The following PER3 variants were observed in gnomAD, a reference collection of about 807,000 sequenced individuals.
PER3 encodes the protein period circadian regulator 3.
A neutral mutation model predicts 127.2 loss-of-function variants in PER3; 107 were observed. The ratio of observed to expected loss-of-function variants is 0.84; its 90% CI spans 0.72 to 0.99. The LOEUF (loss-of-function observed/expected upper bound fraction) is 0.99, where lower values mean the gene tolerates loss of function less well. Among genes scored for constraint, PER3 ranks in the 50% least tolerant of loss-of-function variants. The pLI is 0.00. For missense variants in PER3, 1,560 were observed against 1,525.8 expected (o/e 1.02, Z -0.37); for synonymous variants, 618 against 585.8 (o/e 1.05, Z -0.79).
Position 7,827,208 on chromosome 1 carries a change from G to C in PER3, c.2279G>C (p.Ser760Thr), listed in dbSNP as rs2097305617. The C allele has an allele frequency of 2.5e-6, 4 of 1,613,888 alleles. No homozygotes were observed. The highest frequency in any genetic ancestry group is 1.7e-6 in the Non-Finnish European group (2 of 1,179,976). ...KKLPEPPDSS[S>T]SNTGSGPRRG... The stretch of plus-strand genomic sequence containing the variant: ...CTGCCGGAGCCGCCAGACAGCAGCA[G>C]CTCGAACACCGGCTCTGGTCCCCGC... Residue 760 changes from serine to threonine, a missense_variant, in exon 18 of 22, where the codon AGC becomes ACC. Coordinates refer to ENST00000377532, the MANE Select transcript of PER3 (RefSeq NM_001377275.1).
In PER3 at chr1:7,827,235, G is replaced by C; in HGVS notation, c.2306G>C (p.Arg769Thr). 1 of 1,613,988 alleles carries C rather than the reference G, an allele frequency of 6.2e-7. No homozygotes were observed. The highest frequency in any genetic ancestry group is 1.1e-5 in the South Asian group (1 of 91,078). The change falls in exon 18 of 22, where the codon AGG becomes ACG. Residue 769 changes from arginine to threonine, a missense_variant. By Grantham distance (71) the Arg-to-Thr change is moderately conservative. Transcript: ENST00000377532. ...SSSNTGSGPRRGAHQNAQPCC... is the reference protein window; with the variant it reads ...SSSNTGSGPRTGAHQNAQPCC... Reference sequence around the variant, plus strand: ...TCGAACACCGGCTCTGGTCCCCGCAGGGGAGCGCATCAGAACGCACAGCCC... The same window carrying C: ...TCGAACACCGGCTCTGGTCCCCGCACGGGAGCGCATCAGAACGCACAGCCC...
intron 19 of PER3, among the ~76,000 whole-genome samples, chr1:7,833,237 G>A (rs1345552635): frequency 6.6e-6 from 1 of 152,148 alleles, no homozygotes; most frequent in Non-Finnish European, 1.5e-5. Context: ...AAAAGAATAT[G>A]CTTTCTGCTG....
intron 13 of PER3, among the ~76,000 whole-genome samples, chr1:7,816,473 A>C (rs1342828247): frequency 6.6e-6 from 1 of 152,264 alleles, no homozygotes; most frequent in Non-Finnish European, 1.5e-5. Flanking sequence ...TACAATAATG[A>C]AGTTATATCC....
chr1:7,820,242 A>G lies in PER3; in HGVS notation c.1783+3A>G. ...AGATGATGTCCAAGCCTTACAAGGT[A>G]ACAAGAATGCCCCTCAGAGTTAAAT... On this transcript the variant is annotated splice_donor_region_variant and intron_variant, in intron 15 of 21. Coordinates refer to ENST00000377532, the MANE Select transcript of PER3 (RefSeq NM_001377275.1). 1 of 1,610,884 alleles carries G rather than the reference A, an allele frequency of 6.2e-7. No individual in the cohort carries two copies. Among genetic ancestry groups the G allele is most frequent in the Non-Finnish European group, 8.5e-7 (1 of 1,178,900 alleles).
chr1:7,820,521 C>G lies in PER3; in HGVS notation c.1838C>G (p.Ser613Cys). The G allele has an allele frequency of 6.2e-7, 1 of 1,614,060 alleles. No individual in the cohort carries two copies. Among genetic ancestry groups the G allele is most frequent in the African/African-American group, 1.3e-5 (1 of 75,030 alleles). ...TCAGAAATGCCAACAAATGGACGGT[C>G]CATAGACACAGGAGGAGGAGCTCCA... The part of the protein sequence containing the change: ...PKSEMPTNGR[S>C]IDTGGGAPQI... Residue 613 changes from serine (S) to cysteine (C), a missense_variant, in exon 16 of 22, where the codon TCC becomes TGC. By Grantham distance (112) the Ser-to-Cys change is moderately radical. This residue lies in a region of PER3 where 1,332 missense variants were observed against 1,223.6 expected (regional missense o/e 1.09). Transcript: ENST00000377532.
chr1:7,830,253 G>A lies in PER3; in HGVS notation c.3214+92G>A, dbSNP rs1004821263. On this transcript the variant is annotated intron_variant, in intron 19 of 21. Coordinates refer to ENST00000377532, the MANE Select transcript of PER3 (RefSeq NM_001377275.1). The stretch of plus-strand genomic sequence containing the variant: ...ACTGTGTGCCCCAGGCACTGATGTG[G>A]AAGTACAAGGTTTTTTTTTCTTTTT... 1.5e-5 allele frequency: 17 copies of A among 1,132,558 alleles called. No homozygotes were observed. The African/African-American group carries it at 1.7e-4, about 11-fold the overall frequency. The allele number at this position is 1,132,558 out of a possible 1,614,324, so 70.2% of individuals were successfully genotyped here.
intron 13 of PER3, among the ~76,000 whole-genome samples, chr1:7,813,484 A>G (rs2097230886): frequency 1.3e-5 from 2 of 152,232 alleles, no homozygotes; most frequent in Non-Finnish European, 2.9e-5. Context: ...ACTGGATTCC[A>G]GTGCACCGAC....
chr1:7,825,419 A>G (rs1257684259), intron 16 of PER3, among the ~76,000 whole-genome samples: 5 of 152,226 alleles, frequency 3.3e-5, no homozygotes, highest in African/African-American at 9.6e-5. Flanking sequence ...TGCTATGCAT[A>G]TAAAATGGAA....
Position 7,803,156 on chromosome 1 carries a change from C to G in PER3, c.979+3C>G, listed in dbSNP as rs2097177770. On this transcript the variant is annotated splice_donor_region_variant and intron_variant, in intron 9 of 21. Transcript: ENST00000377532. ...GATGGTTGCCATACACCAAAAAGGT[C>G]AGGACCTACTCCTTTATAGGAGGAA... 1 of 1,512,522 alleles carries G rather than the reference C, an allele frequency of 6.6e-7. No homozygotes were observed. Among genetic ancestry groups the G allele is most frequent in the Admixed American group, 1.7e-5 (1 of 59,868 alleles). The allele number at this position is 1,512,522 out of a possible 1,614,324, so 93.7% of individuals were successfully genotyped here.
intron 18 of PER3, 25 bp from the exon 19 acceptor site, chr1:7,829,809 C>G: frequency 1.9e-6 from 3 of 1,575,806 alleles, no homozygotes. Flanking sequence ...ATTAAAGTGT[C>G]TTTTCATGTG....
At chr1:7,830,403 A>G (rs1224830656) in intron 19 of PER3, among the ~76,000 whole-genome samples, 1 of 152,192 alleles carries the variant, frequency 6.6e-6, no homozygotes, top group Non-Finnish European at 1.5e-5. Flanking sequence ...CACAATCACC[A>G]TATAGAACAT....
rs747319814 is a variant in PER3 at position 7,827,731 on chromosome 1, G to A, written c.2802G>A (p.Gln934=). The A allele has an allele frequency of 1.2e-6, 2 of 1,614,012 alleles. No individual in the cohort carries two copies. Among genetic ancestry groups the A allele is most frequent in the African/African-American group, 1.3e-5 (1 of 74,922 alleles). Reference sequence around the variant, plus strand: ...CTTCGAGAAGCAGCTCACCCTTGCAGTTAAACTTACTTCAGGAAGAGATGC... The same window carrying A: ...CTTCGAGAAGCAGCTCACCCTTGCAATTAAACTTACTTCAGGAAGAGATGC... ...FITSRSSSPL[Q]LNLLQEEMPR... The change falls in exon 18 of 22, where the codon CAG becomes CAA. Residue 934 remains glutamine (Q), a synonymous_variant. Transcript: ENST00000377532.
intron 16 of PER3, among the ~76,000 whole-genome samples, chr1:7,825,859 C>CTAGCCTGGGCAA (rs1553318658): frequency 6.7e-6 from 1 of 148,442 alleles, no homozygotes; most frequent in Non-Finnish European, 1.5e-5. Flanking sequence ...CCATTGCACT[C>CTAGCCTGGGCAA]TAGCCTGGGC....
At position 7,827,772 on chromosome 1, in the gene PER3, C is replaced by A; in HGVS notation, c.2843C>A (p.Ser948Tyr). 6.2e-7 allele frequency: 1 copy of A among 1,613,916 alleles called. No homozygotes were observed. The highest frequency in any genetic ancestry group is 8.5e-7 in the Non-Finnish European group (1 of 1,179,934). Residue 948 changes from serine (S) to tyrosine (Y), a missense_variant, in exon 18 of 22, where the codon TCT becomes TAT. By Grantham distance (144) the Ser-to-Tyr change is moderately radical. This residue lies in a region of PER3 where 1,332 missense variants were observed against 1,223.6 expected (regional missense o/e 1.09). Transcript: ENST00000377532. The stretch of plus-strand genomic sequence containing the variant: ...GAAGAGATGCCCAGACCCTCTGAAT[C>A]TCCAGATCAGATGAGAAGGAACACG... ...LQEEMPRPSE[S>Y]PDQMRRNTCP...
At chr1:7,786,592 T>A in intron 3 of PER3, 129 bp from the exon 4 acceptor site, 1 of 559,548 alleles carries the variant, frequency 1.8e-6, no homozygotes, top group Non-Finnish European at 3.3e-6. Context: ...CAGAAAATGA[T>A]CTGTTTTTGA....
chr1:7,838,887 C>T (rs993265684), intron 21 of PER3, among the ~76,000 whole-genome samples: 7 of 152,160 alleles, frequency 4.6e-5, no homozygotes, highest in East Asian at 1.9e-4. Context: ...CTTTCAAAAT[C>T]GGTTCAGTCA....
At chr1:7,813,982 C>G (rs149528974) in intron 13 of PER3, among the ~76,000 whole-genome samples, 1,777 of 152,172 alleles carry the variant, frequency 0.012, 31 homozygotes, top group African/African-American at 0.041. Context: ...GTAATCACAG[C>G]GTAGAGATGG....
chr1:7,836,851 A>G, intron 20 of PER3, 148 bp from the exon 21 acceptor site: 2 of 515,554 alleles, frequency 3.9e-6, no homozygotes, highest in Non-Finnish European at 6.8e-6. Flanking sequence ...TGAAAAGGAA[A>G]TGATCTAGTT....
At chr1:7,832,856 G>T (rs35797054) in intron 19 of PER3, among the ~76,000 whole-genome samples, 25,075 of 86,428 alleles carry the variant, frequency 0.29, 2,374 homozygotes, top group Middle Eastern at 0.44. Context: ...TTTTTTTTTT[G>T]GAACCAAGGT....
Sources: allele counts gnomAD v4.1 joint callset (sites outside exome capture counted in the v4.1 genomes callset), GRCh38; gene constraint gnomAD v4.1.1; regional missense constraint gnomAD v4.1.1; transcripts MANE v1.5; gene names NCBI Gene and HGNC (gene_info 2026-07-23, HGNC 2026-07-21).